Variants in GALNT13 observed in about 807,000 individuals in gnomAD.
GALNT13 encodes the protein UDP-GalNAc:polypeptide N-acetylgalactosaminyltransferase 13.
Under a neutral mutation model 64.2 loss-of-function variants are expected in GALNT13, and 28 were observed. That is an observed-to-expected ratio of 0.44 (90% CI 0.32 to 0.60). GALNT13 has a LOEUF of 0.60. Ranked by LOEUF, GALNT13 falls within the 20% of genes least tolerant of loss-of-function variation. The pLI is 0.05. For synonymous variants in GALNT13, 214 were observed against 224.6 expected (o/e 0.95, Z 0.42); for missense variants, 577 against 669.8 (o/e 0.86, Z 1.53).
chr2:153,485,633 T>A, the GALNT13 span, among the ~76,000 whole-genome samples: 1 of 152,184 alleles, frequency 6.6e-6, no homozygotes, highest in Non-Finnish European at 1.5e-5. Context: ...CCAGGCACAC[T>A]GACTGACTCC....
chr2:153,870,800 T>G (rs1685873802), upstream of GALNT13, among the ~76,000 whole-genome samples: 1 of 150,966 alleles, frequency 6.6e-6, no homozygotes, highest in South Asian at 2.1e-4. Flanking sequence ...TTTTATGTAG[T>G]CGTTATATCC....
At chr2:153,633,868 A>T in the GALNT13 span, among the ~76,000 whole-genome samples, 1 of 152,316 alleles carries the variant, frequency 6.6e-6, no homozygotes, top group African/African-American at 2.4e-5. Flanking sequence ...ATGGTTTTAT[A>T]AATATCTTAT....
chr2:154,252,774 GA>G (rs1465098788), intron 7 of GALNT13, among the ~76,000 whole-genome samples: 1 of 134,698 alleles, frequency 7.4e-6, no homozygotes, highest in Non-Finnish European at 1.6e-5. Context: ...TAGATAGATA[GA>G]TAGATAATAG....
At chr2:154,205,861 T>G (rs907707699) in intron 4 of GALNT13, among the ~76,000 whole-genome samples, 6 of 152,272 alleles carry the variant, frequency 3.9e-5, no homozygotes, top group Middle Eastern at 3.4e-3. Flanking sequence ...AGGTCCAAAC[T>G]TTAGTATCAG....
At chr2:153,769,389 C>A in the GALNT13 span, among the ~76,000 whole-genome samples, 1 of 151,912 alleles carries the variant, frequency 6.6e-6, no homozygotes, top group Non-Finnish European at 1.5e-5. Context: ...CCCTCCCCCA[C>A]CCCAATGCTA....
At chr2:153,909,634 T>G (rs1405987650) in intron 2 of GALNT13, among the ~76,000 whole-genome samples, 1 of 152,180 alleles carries the variant, frequency 6.6e-6, no homozygotes, top group East Asian at 1.9e-4. Flanking sequence ...GTTTTTAACA[T>G]GAAGGGATGT....
At chr2:153,862,135 A>G in the GALNT13 span, among the ~76,000 whole-genome samples, 1 of 152,220 alleles carries the variant, frequency 6.6e-6, no homozygotes, top group South Asian at 2.1e-4. Context: ...TATAGCAATT[A>G]CACACTTAGA....
At chr2:154,015,983 A>G (rs1696975990) in intron 3 of GALNT13, among the ~76,000 whole-genome samples, 1 of 152,340 alleles carries the variant, frequency 6.6e-6, no homozygotes, top group Non-Finnish European at 1.5e-5. Context: ...ATCAGTATCT[A>G]CTTGTGTTGA....
the GALNT13 span, among the ~76,000 whole-genome samples, chr2:153,440,139 C>T: frequency 6.6e-6 from 1 of 151,886 alleles, no homozygotes; most frequent in Non-Finnish European, 1.5e-5. Context: ...GGTAATGTTC[C>T]CCTCCCTGTG....
chr2:153,630,803 ATATATTTTTTTTTT>A, the GALNT13 span, among the ~76,000 whole-genome samples: 19 of 17,526 alleles, frequency 1.1e-3, no homozygotes, highest in South Asian at 8.1e-3. Flanking sequence ...ATATATATAT[ATATATTTTTTTTTT>A]TTTTTTTATT....
chr2:153,334,136 A>G, the GALNT13 span, among the ~76,000 whole-genome samples: 1 of 152,216 alleles, frequency 6.6e-6, no homozygotes, highest in Admixed American at 6.5e-5. Context: ...GACATTAACA[A>G]AAAAAGAAAT....
intron 10 of GALNT13, among the ~76,000 whole-genome samples, chr2:154,397,467 C>T (rs1413449369): frequency 6.6e-6 from 1 of 152,010 alleles, no homozygotes; most frequent in Non-Finnish European, 1.5e-5. Context: ...TAAATATGCA[C>T]TTAGGAAATA....
At chr2:153,586,325 C>T in the GALNT13 span, among the ~76,000 whole-genome samples, 1 of 151,932 alleles carries the variant, frequency 6.6e-6, no homozygotes, top group African/African-American at 2.4e-5. Flanking sequence ...TATAAAGACA[C>T]ATATAGATTG....
the GALNT13 span, among the ~76,000 whole-genome samples, chr2:153,409,136 C>A: frequency 6.6e-6 from 1 of 151,988 alleles, no homozygotes; most frequent in Non-Finnish European, 1.5e-5. Flanking sequence ...TTGTCCATTG[C>A]CTGCTTCCCT....
At chr2:153,073,536 T>C in the GALNT13 span, among the ~76,000 whole-genome samples, 1 of 152,074 alleles carries the variant, frequency 6.6e-6, no homozygotes, top group African/African-American at 2.4e-5. Context: ...GATTCAATAA[T>C]TGTCAACTCA....
the GALNT13 span, among the ~76,000 whole-genome samples, chr2:153,402,608 T>C: frequency 6.6e-6 from 1 of 152,142 alleles, no homozygotes; most frequent in Non-Finnish European, 1.5e-5. Context: ...CCCATATTTC[T>C]TGGAGGCTTT....
rs977193990 is a variant in GALNT13 at position 154,403,227 on chromosome 2, C to T, written c.1297-5757C>T. ...TAGCACTTTGGGAGGCCGAGGCAGG[C>T]GGATCACTTGAGATCAGGAGTTTGA... On this transcript the variant is annotated intron_variant, in intron 10 of 12. Transcript: ENST00000392825. Among the ~76,000 whole-genome samples the T allele has an allele frequency of 3.9e-5, 6 of 152,080 alleles. 1 individual carries two copies. In the South Asian group the frequency reaches 8.3e-4, roughly 21 times the overall value.
At chr2:153,539,908 G>A in the GALNT13 span, among the ~76,000 whole-genome samples, 2 of 152,142 alleles carry the variant, frequency 1.3e-5, no homozygotes, top group African/African-American at 2.4e-5. Context: ...AGAGGTGACC[G>A]AGCATAAAAG....
At chr2:153,358,941 T>C in the GALNT13 span, among the ~76,000 whole-genome samples, 3 of 152,224 alleles carry the variant, frequency 2.0e-5, no homozygotes, top group East Asian at 5.8e-4. Context: ...TCATAAATAA[T>C]ACAAAAAAAT....
Sources: gnomAD v4.1 joint callset for allele counts (sites outside exome capture counted in the v4.1 genomes callset) on GRCh38, gnomAD v4.1.1 for gene constraint, MANE v1.5 for transcripts, NCBI Gene and HGNC (gene_info 2026-07-23, HGNC 2026-07-21) for gene names.